Variants in SHB observed in about 807,000 individuals in gnomAD.
SHB encodes SH2 domain-containing adapter protein B.
Under a neutral mutation model 52.3 loss-of-function variants are expected in SHB, and 20 were observed. The ratio of observed to expected loss-of-function variants is 0.38; its 90% CI spans 0.27 to 0.56. The LOEUF (loss-of-function observed/expected upper bound fraction) is 0.56, where lower values mean the gene tolerates loss of function less well. Ranked by LOEUF, SHB falls within the 20% of genes least tolerant of loss-of-function variation. The pLI is 0.71. For synonymous variants in SHB, 397 were observed against 316.5 expected (o/e 1.25, Z -2.70); for missense variants, 825 against 723.3 (o/e 1.14, Z -1.61).
At chr9:38,018,872 GC>G in intron 1 of SHB, among the ~76,000 whole-genome samples, 1 of 152,370 alleles carries the variant, frequency 6.6e-6, no homozygotes, top group Admixed American at 6.5e-5. Context: ...TTTGTGTGAA[GC>G]GTGCTGCTTT....
intron 5 of SHB, among the ~76,000 whole-genome samples, chr9:37,936,236 A>G (rs1212790755): frequency 6.6e-6 from 1 of 152,032 alleles, no homozygotes; most frequent in Non-Finnish European, 1.5e-5. Flanking sequence ...ACAAAACCAA[A>G]CAAAACACCA....
intron 1 of SHB, among the ~76,000 whole-genome samples, chr9:38,058,175 G>A (rs1821844572): frequency 6.6e-6 from 1 of 152,190 alleles, no homozygotes; most frequent in South Asian, 2.1e-4. Context: ...TGTCTTGGAT[G>A]CCCCATCCAC....
Position 37,916,099 on chromosome 9 carries a change from T to TC in SHB, c.*3721dup, listed in dbSNP as rs1179585418. ...TGTTCCAGGACCAAGGGGCTTGCCC[T>TC]CCTGCAAGCGCGCCTGTGAACAAGT... On this transcript the variant is annotated 3_prime_UTR_variant, in exon 6 of 6. Transcript: ENST00000377707. Among the ~76,000 whole-genome samples the TC allele has an allele frequency of 6.6e-6, 1 of 152,220 alleles. No individual in the cohort carries two copies. The highest frequency in any genetic ancestry group is 1.5e-5 in the Non-Finnish European group (1 of 68,040).
chr9:38,032,271 C>T (rs990765718), intron 1 of SHB, among the ~76,000 whole-genome samples: 36 of 152,114 alleles, frequency 2.4e-4, no homozygotes, highest in Admixed American at 2.0e-3. Flanking sequence ...ATGAGAAAAC[C>T]GAAGCTCAGA....
At chr9:38,022,020 A>G (rs568373246) in intron 1 of SHB, among the ~76,000 whole-genome samples, 9 of 152,204 alleles carry the variant, frequency 5.9e-5, no homozygotes, top group Non-Finnish European at 1.3e-4. Flanking sequence ...CTTCTGCTCT[A>G]TGCCAAAGCA....
intron 1 of SHB, among the ~76,000 whole-genome samples, chr9:38,034,083 A>T (rs1041198086): frequency 1.3e-5 from 2 of 152,168 alleles, no homozygotes; most frequent in Admixed American, 6.5e-5. Flanking sequence ...GGGCCCCTGA[A>T]GCTCTCTCTC....
rs754465788 is a variant in SHB at position 38,068,411 on chromosome 9, C to CGCTGGT, written c.229_234dup (p.Thr77_Ser78dup). 1.3e-6 allele frequency: 2 copies of CGCTGGT among 1,570,858 alleles called. No individual in the cohort carries two copies. The highest frequency in any genetic ancestry group is 4.9e-5 in the East Asian group (2 of 40,786). On this transcript the variant is annotated inframe_insertion, in exon 1 of 6. Transcript: ENST00000377707. ...TGCGCGCGGTAGGCGCGGATGAGGT[C>CGCTGGT]GCTGGTGCTGCCGCTGTCGTCGGGC...
At chr9:38,050,936 ACT>A (rs1405084042) in intron 1 of SHB, among the ~76,000 whole-genome samples, 1 of 152,234 alleles carries the variant, frequency 6.6e-6, no homozygotes, top group Non-Finnish European at 1.5e-5. Flanking sequence ...CTCCTCAACC[ACT>A]GACTACAATC....
intron 3 of SHB, among the ~76,000 whole-genome samples, chr9:37,974,114 G>A (rs7045304): frequency 0.57 from 86,865 of 151,844 alleles, 25,244 homozygotes; most frequent in East Asian, 0.77. Flanking sequence ...AAATTAGCTG[G>A]GCATTGTGGC....
At chr9:38,009,417 C>G (rs1215229168) in intron 2 of SHB, among the ~76,000 whole-genome samples, 1 of 152,224 alleles carries the variant, frequency 6.6e-6, no homozygotes, top group Non-Finnish European at 1.5e-5. Context: ...CACTCCAGAC[C>G]CATGACCTCT....
At chr9:37,990,228 C>A (rs1381380605) in intron 2 of SHB, among the ~76,000 whole-genome samples, 2 of 151,958 alleles carry the variant, frequency 1.3e-5, no homozygotes, top group Non-Finnish European at 2.9e-5. Flanking sequence ...TTTAGAGCAC[C>A]AGGTACTCTA....
chr9:37,967,189 G>A (rs1335148540), intron 3 of SHB, among the ~76,000 whole-genome samples: 2 of 152,174 alleles, frequency 1.3e-5, no homozygotes, highest in East Asian at 3.8e-4. Context: ...CCTATGCCAG[G>A]TTTATAATTA....
rs975603352 is a variant in SHB, at chr9:38,015,532, T to C, written c.838+479A>G. The stretch of plus-strand genomic sequence containing the variant: ...GCTGCTTCCAGCTCCAAAACAAAGA[T>C]TTCTCGGGATGCGGCCAGAAATAAT... On this transcript the variant is annotated intron_variant, in intron 2 of 5. Coordinates refer to ENST00000377707, the MANE Select transcript of SHB (RefSeq NM_003028.3). 2.2e-5 allele frequency: 15 copies of C among 696,786 alleles called. No individual in the cohort carries two copies. In the Admixed American group the frequency reaches 2.8e-4, roughly 13 times the overall value. The allele number at this position is 696,786 out of a possible 1,614,324, so 43.2% of individuals were successfully genotyped here.
intron 1 of SHB, among the ~76,000 whole-genome samples, chr9:38,059,819 G>A (rs1821869340): frequency 6.6e-6 from 1 of 152,208 alleles, no homozygotes; most frequent in Admixed American, 6.5e-5. Context: ...TGCCTCTGCT[G>A]TGAGGCAGGG....
At position 37,917,448 on chromosome 9, in the gene SHB, G is replaced by C. The variant is rs373792099; in HGVS notation, c.*2373C>G. ...GCCTTTTCTGAGGAGCAATGTGCCC[G>C]GGAAGATGGTCTACAGGGAAGGACC... On this transcript the variant is annotated 3_prime_UTR_variant, in exon 6 of 6. Transcript: ENST00000377707. 6.6e-6 allele frequency among the ~76,000 whole-genome samples: 1 copy of C among 152,158 alleles called. No homozygotes were observed. Among genetic ancestry groups the C allele is most frequent in the Non-Finnish European group, 1.5e-5 (1 of 68,024 alleles).
intron 2 of SHB, among the ~76,000 whole-genome samples, chr9:38,012,481 C>G (rs1354234839): frequency 6.6e-6 from 1 of 151,284 alleles, no homozygotes; most frequent in East Asian, 1.9e-4. Context: ...AGAGAGCTTA[C>G]CAGCTGCCTC....
chr9:38,065,743 C>T (rs1339665916), intron 1 of SHB, among the ~76,000 whole-genome samples: 2 of 152,200 alleles, frequency 1.3e-5, no homozygotes, highest in South Asian at 2.1e-4. Flanking sequence ...ACAACACTCT[C>T]GCAGCTAAAT....
intron 1 of SHB, among the ~76,000 whole-genome samples, chr9:38,030,783 T>C (rs1564105968): frequency 1.3e-5 from 2 of 152,102 alleles, no homozygotes; most frequent in Admixed American, 1.3e-4. Flanking sequence ...CATCCAGAAG[T>C]TTCCATGGGG....
chr9:38,042,274 C>CA (rs1429600427), intron 1 of SHB, among the ~76,000 whole-genome samples: 3 of 152,230 alleles, frequency 2.0e-5, no homozygotes, highest in Non-Finnish European at 4.4e-5. Flanking sequence ...AGTAAGAGCT[C>CA]ACTATGTACT....
Sources: gnomAD v4.1 joint callset for allele counts (sites outside exome capture counted in the v4.1 genomes callset) on GRCh38, gnomAD v4.1.1 for gene constraint, MANE v1.5 for transcripts, NCBI Gene and HGNC (gene_info 2026-07-23, HGNC 2026-07-21) for gene names.